The following LARGE1 variants were observed in gnomAD, a reference collection of about 807,000 sequenced individuals.
LARGE1 encodes the protein xylosyl- and glucuronyltransferase LARGE1.
A neutral mutation model predicts 87.6 loss-of-function variants in LARGE1; 43 were observed. That is an observed-to-expected ratio of 0.49 (90% CI 0.38 to 0.63). The LOEUF is 0.63. Among genes scored for constraint, LARGE1 ranks in the 30% least tolerant of loss-of-function variants. LARGE1 has a pLI of 0.00. For missense variants in LARGE1, 802 were observed against 1,000.2 expected, an observed-to-expected ratio of 0.80 and a Z score of 2.67; for synonymous variants, 434 against 394.6, an observed-to-expected ratio of 1.10 and a Z score of -1.18.
chr22:33,229,387 G>A (rs1320366597), intron 11 of LARGE1, among the ~76,000 whole-genome samples: 1 of 151,944 alleles, frequency 6.6e-6, no homozygotes, highest in Non-Finnish European at 1.5e-5. Flanking sequence ...GTATATATAT[G>A]TATATAATTA....
intron 11 of LARGE1, among the ~76,000 whole-genome samples, chr22:33,259,804 A>C (rs905138584): frequency 2.6e-5 from 4 of 152,110 alleles, no homozygotes; most frequent in African/African-American, 9.7e-5. Flanking sequence ...TTCTTAAGCC[A>C]CTTTGGAAGG....
At chr22:33,463,514 TACA>T (rs1289512990) in intron 6 of LARGE1, among the ~76,000 whole-genome samples, 4 of 152,290 alleles carry the variant, frequency 2.6e-5, no homozygotes, top group Non-Finnish European at 2.9e-5. Context: ...TTATCACACA[TACA>T]ACAATTCTCA....
intron 1 of LARGE1, among the ~76,000 whole-genome samples, chr22:33,860,465 G>T (rs1460858391): frequency 1.3e-5 from 2 of 152,016 alleles, no homozygotes; most frequent in African/African-American, 4.8e-5. Flanking sequence ...TAAAGTTGTG[G>T]CCAGAGAAGT....
the LARGE1 span, among the ~76,000 whole-genome samples, chr22:33,098,416 G>A: frequency 1.3e-5 from 2 of 152,024 alleles, no homozygotes; most frequent in South Asian, 2.1e-4. Flanking sequence ...TCAGGAGATG[G>A]AGACCATCCT....
chr22:33,515,001 CT>C (rs1215505820), intron 6 of LARGE1, among the ~76,000 whole-genome samples: 1 of 151,930 alleles, frequency 6.6e-6, no homozygotes, highest in African/African-American at 2.4e-5. Context: ...CGTAATGTTC[CT>C]ATCTTTATTT....
At chr22:33,489,019 C>G (rs1200570893) in intron 6 of LARGE1, among the ~76,000 whole-genome samples, 2 of 152,224 alleles carry the variant, frequency 1.3e-5, no homozygotes, top group East Asian at 3.8e-4. Flanking sequence ...GCTCAGTCCA[C>G]CAGCAGTAGT....
rs530723000 is a variant in LARGE1, at chr22:33,827,417, C to T, written c.-82-65859G>A. Among the ~76,000 whole-genome samples, 10 of 152,240 alleles carry T rather than the reference C, an allele frequency of 6.6e-5. No homozygotes were observed. The South Asian group carries it at 2.1e-3, about 32-fold the overall frequency. On this transcript the variant is annotated intron_variant, in intron 1 of 14. Coordinates refer to ENST00000397394, the MANE Select transcript of LARGE1 (RefSeq NM_133642.5). ...GAAGGTCCTATTACCCTCCTCGCCC[C>T]TCTGTCCCCCCGCCAAAAAAATACA...
chr22:33,723,315 G>C (rs2083165943), intron 2 of LARGE1, among the ~76,000 whole-genome samples: 1 of 152,196 alleles, frequency 6.6e-6, no homozygotes, highest in Non-Finnish European at 1.5e-5. Flanking sequence ...ACGGTGTAAA[G>C]AGCACAGCCT....
At chr22:33,653,665 G>A (rs1569345287) in intron 2 of LARGE1, among the ~76,000 whole-genome samples, 1 of 152,292 alleles carries the variant, frequency 6.6e-6, no homozygotes, top group Admixed American at 6.5e-5. Flanking sequence ...ATTGGGAGGC[G>A]CTTGGCATCA....
intron 5 of LARGE1, among the ~76,000 whole-genome samples, chr22:33,574,410 T>A (rs535251350): frequency 6.6e-6 from 1 of 152,290 alleles, no homozygotes; most frequent in East Asian, 1.9e-4. Context: ...GTTTTGGGAA[T>A]GACAAGAAAA....
chr22:33,782,086 C>T (rs2085441337), intron 1 of LARGE1, among the ~76,000 whole-genome samples: 1 of 152,148 alleles, frequency 6.6e-6, no homozygotes, highest in African/African-American at 2.4e-5. Flanking sequence ...TTGGCATATC[C>T]AAAGTTAGCC....
intron 9 of LARGE1, among the ~76,000 whole-genome samples, chr22:33,341,986 C>T (rs867708693): frequency 6.6e-6 from 1 of 152,176 alleles, no homozygotes; most frequent in Non-Finnish European, 1.5e-5. Flanking sequence ...GTAGAGACGG[C>T]TGGCAGGGAT....
At chr22:33,545,504 C>T (rs966370667) in intron 6 of LARGE1, among the ~76,000 whole-genome samples, 52 of 151,378 alleles carry the variant, frequency 3.4e-4, no homozygotes, top group African/African-American at 1.1e-3. Flanking sequence ...TGCAGTGGCA[C>T]GATCTCAGCT....
At chr22:33,850,875 C>A (rs941265701) in intron 1 of LARGE1, among the ~76,000 whole-genome samples, 1 of 152,030 alleles carries the variant, frequency 6.6e-6, no homozygotes, top group African/African-American at 2.4e-5. Flanking sequence ...CACTCCTGCT[C>A]CCAAGACCCT....
rs5998928 is a variant in LARGE1 at position 33,401,203 on chromosome 22, G to A, written c.893-16899C>T. Among the ~76,000 whole-genome samples, 1,348 of 152,242 alleles carry A rather than the reference G, an allele frequency of 8.9e-3. 20 individuals carry two copies. Among genetic ancestry groups the A allele is most frequent in the African/African-American group, 0.031 (1,275 of 41,548 alleles). ...CCATTATTGCTTCCCTTTGTATCTT[G>A]TTATGAGTTGATTGTGTCCTCCTCC... On this transcript the variant is annotated intron_variant, in intron 7 of 14. Transcript: ENST00000397394.
chr22:33,132,818 C>T, the LARGE1 span, among the ~76,000 whole-genome samples: 57,908 of 151,720 alleles, frequency 0.38, 11,281 homozygotes, highest in South Asian at 0.52. Context: ...CCTGGGAAAA[C>T]GAAATTCTTC....
At chr22:33,233,565 A>G (rs1194678996) in intron 11 of LARGE1, among the ~76,000 whole-genome samples, 1 of 152,150 alleles carries the variant, frequency 6.6e-6, no homozygotes, top group African/African-American at 2.4e-5. Context: ...ATGCATGATC[A>G]AGTTTCCTGG....
Position 33,626,250 on chromosome 22 carries a change from A to G in LARGE1, c.485T>C (p.Phe162Ser). The change falls in exon 4 of 15, where the codon TTC becomes TCC. Residue 162 changes from phenylalanine (F) to serine (S), a missense_variant. Coordinates refer to ENST00000397394, the MANE Select transcript of LARGE1 (RefSeq NM_133642.5). The part of the protein sequence containing the change: ...DVVTLVKSVL[F>S]HRRNPLHFHL... ...GCACAGAAGTTGTTCTTACCTATGG[A>G]ACAGGACGGATTTGACCAGGGTGAC... is the stretch of plus-strand genomic sequence containing the variant. The G allele has an allele frequency of 6.2e-7, 1 of 1,613,964 alleles. No individual in the cohort carries two copies. Among genetic ancestry groups the G allele is most frequent in the Non-Finnish European group, 8.5e-7 (1 of 1,179,824 alleles).
intron 11 of LARGE1, among the ~76,000 whole-genome samples, chr22:33,254,907 G>T (rs1026985666): frequency 1.3e-5 from 2 of 149,278 alleles, no homozygotes; most frequent in South Asian, 2.1e-4. Flanking sequence ...CACAGTAACT[G>T]TTCCAGCTCT....
Sources: gnomAD v4.1 joint callset for allele counts (sites outside exome capture counted in the v4.1 genomes callset) on GRCh38, gnomAD v4.1.1 for gene constraint, MANE v1.5 for transcripts, NCBI Gene and HGNC (gene_info 2026-07-23, HGNC 2026-07-21) for gene names.